SUPT3H: variants seen among roughly 807,000 people sequenced by gnomAD.
SUPT3H encodes the protein transcription initiation protein SPT3 homolog.
A neutral mutation model predicts 44.3 loss-of-function variants in SUPT3H; 44 were observed. That is an observed-to-expected ratio of 0.99 (90% CI 0.78 to 1.28). The LOEUF (loss-of-function observed/expected upper bound fraction) is 1.28, where lower values mean the gene tolerates loss of function less well. Ranked by LOEUF, SUPT3H falls within the 50% of genes most tolerant of loss-of-function variation. The pLI is 0.00. For synonymous variants in SUPT3H, 124 were observed against 125.6 expected (o/e 0.99, Z 0.09); for missense variants, 380 against 387.1 (o/e 0.98, Z 0.15).
chr6:45,271,255 AAATGTCTCCAGGG>A (rs1776093415), intron 2 of SUPT3H, among the ~76,000 whole-genome samples: 2 of 152,228 alleles, frequency 1.3e-5, no homozygotes, highest in Non-Finnish European at 2.9e-5. Flanking sequence ...ATAATGAGCA[AAATGTCTCCAGGG>A]AATGTCAGAG....
At chr6:45,266,409 A>T (rs999431203) in intron 2 of SUPT3H, among the ~76,000 whole-genome samples, 1 of 151,976 alleles carries the variant, frequency 6.6e-6, no homozygotes, top group Non-Finnish European at 1.5e-5. Context: ...AACCAAGAAG[A>T]AATAAAAATC....
intron 9 of SUPT3H, among the ~76,000 whole-genome samples, chr6:44,938,305 C>A (rs1313883737): frequency 6.6e-6 from 1 of 151,992 alleles, no homozygotes. Context: ...TGATCCAATT[C>A]CCCAGCTCCT....
chr6:45,241,745 A>G (rs1470459425), intron 2 of SUPT3H, among the ~76,000 whole-genome samples: 1 of 152,172 alleles, frequency 6.6e-6, no homozygotes, highest in Non-Finnish European at 1.5e-5. Context: ...TGGCCAAGAA[A>G]GTACATGACC....
intron 2 of SUPT3H, among the ~76,000 whole-genome samples, chr6:45,145,770 C>A (rs1047050074): frequency 7.9e-5 from 12 of 152,096 alleles, no homozygotes; most frequent in African/African-American, 2.9e-4. Flanking sequence ...ATGTATCCAA[C>A]AAAGGACTAA....
At chr6:45,313,398 A>G (rs570756788) in intron 2 of SUPT3H, among the ~76,000 whole-genome samples, 3 of 152,184 alleles carry the variant, frequency 2.0e-5, no homozygotes, top group Non-Finnish European at 4.4e-5. Flanking sequence ...GACCATTTGC[A>G]AGATTAACCA....
rs565976431 is a variant in SUPT3H, at chr6:44,926,988, A to G, written c.912+5665T>C. ...GAAATTTAAAAGGTCCAATCCTTTG[A>G]TCCAGGAATTTCACTTCTAGTAATC... is the stretch of plus-strand genomic sequence containing the variant. On this transcript the variant is annotated intron_variant, in intron 10 of 10. Transcript: ENST00000371459. 2.0e-5 allele frequency among the ~76,000 whole-genome samples: 3 copies of G among 152,320 alleles called. No individual in the cohort carries two copies. The South Asian group carries it at 6.2e-4, about 32-fold the overall frequency.
rs368806344 is a variant in SUPT3H at position 45,364,169 on chromosome 6, C to A, written c.101+1032G>T. On this transcript the variant is annotated intron_variant, in intron 2 of 10. Transcript: ENST00000371459. ...AACTAATAAATATTAATAGATATAACCCTCATAAACAAATATTCTTCAGGA... is the reference window on the plus strand; with the variant it reads ...AACTAATAAATATTAATAGATATAAACCTCATAAACAAATATTCTTCAGGA... Among the ~76,000 whole-genome samples the A allele has an allele frequency of 2.0e-4, 31 of 151,642 alleles. No homozygotes were observed. In the East Asian group the frequency reaches 5.4e-3, roughly 27 times the overall value.
intron 10 of SUPT3H, among the ~76,000 whole-genome samples, chr6:44,832,991 A>AT (rs1453392313): frequency 6.6e-6 from 1 of 152,140 alleles, no homozygotes; most frequent in Non-Finnish European, 1.5e-5. Context: ...AAAGCAAAAG[A>AT]TTAATATTTT....
At chr6:44,946,798 T>C (rs997678897) in intron 9 of SUPT3H, among the ~76,000 whole-genome samples, 1 of 152,202 alleles carries the variant, frequency 6.6e-6, no homozygotes, top group Non-Finnish European at 1.5e-5. Flanking sequence ...ACTTAGCTGA[T>C]AAAGCAATGT....
At chr6:44,892,793 T>C (rs1343778116) in intron 10 of SUPT3H, among the ~76,000 whole-genome samples, 1 of 152,156 alleles carries the variant, frequency 6.6e-6, no homozygotes. Flanking sequence ...CCCAGGCCTC[T>C]TGACTTCTGC....
intron 2 of SUPT3H, among the ~76,000 whole-genome samples, chr6:45,109,968 GTACTGCCTGAC>G (rs1456839052): frequency 1.3e-5 from 2 of 152,054 alleles, no homozygotes; most frequent in African/African-American, 4.8e-5. Flanking sequence ...GACAATACCA[GTACTGCCTGAC>G]TACCGTCCAC....
chr6:44,837,161 G>A (rs976575075), intron 10 of SUPT3H, among the ~76,000 whole-genome samples: 5 of 151,938 alleles, frequency 3.3e-5, no homozygotes, highest in South Asian at 2.1e-4. Flanking sequence ...CAAAAAGAAC[G>A]GCCAAAAAGT....
chr6:45,327,815 G>A (rs1045146297), intron 2 of SUPT3H, among the ~76,000 whole-genome samples: 3 of 151,702 alleles, frequency 2.0e-5, no homozygotes, highest in Non-Finnish European at 4.4e-5. Context: ...CAGCCACCCA[G>A]CAAATATGAA....
intron 2 of SUPT3H, among the ~76,000 whole-genome samples, chr6:45,281,898 G>A (rs1778167234): frequency 6.6e-6 from 1 of 152,166 alleles, no homozygotes; most frequent in Non-Finnish European, 1.5e-5. Flanking sequence ...AACTTCCAGA[G>A]GAACGATCAG....
chr6:45,025,966 T>C (rs979323392), intron 3 of SUPT3H, among the ~76,000 whole-genome samples: 1 of 152,188 alleles, frequency 6.6e-6, no homozygotes, highest in Non-Finnish European at 1.5e-5. Context: ...TAATGAGACT[T>C]CCATTGCAGC....
intron 2 of SUPT3H, among the ~76,000 whole-genome samples, chr6:45,130,711 ACTTTTTTTTT>A (rs1278216783): frequency 3.6e-5 from 2 of 56,212 alleles, no homozygotes; most frequent in East Asian, 4.1e-4. Flanking sequence ...AAAAAAAACC[ACTTTTTTTTT>A]TTTTTTTTTT....
intron 2 of SUPT3H, among the ~76,000 whole-genome samples, chr6:45,182,689 C>A (rs1031175945): frequency 3.9e-5 from 6 of 152,184 alleles, no homozygotes; most frequent in Admixed American, 6.5e-5. Context: ...CTCTTATCTA[C>A]ACAGGACAGG....
At chr6:44,837,178 T>C (rs1343583547) in intron 10 of SUPT3H, among the ~76,000 whole-genome samples, 1 of 152,106 alleles carries the variant, frequency 6.6e-6, no homozygotes, top group African/African-American at 2.4e-5. Flanking sequence ...AAGTGCCAAA[T>C]TGGCAGGAGT....
intron 5 of SUPT3H, among the ~76,000 whole-genome samples, chr6:45,014,160 T>C (rs1280741056): frequency 6.0e-4 from 91 of 152,068 alleles, no homozygotes; most frequent in Non-Finnish European, 8.8e-5. Context: ...CTGTTTTTTT[T>C]TTAAGTTTTA....
Sources: allele counts gnomAD v4.1 joint callset (sites outside exome capture counted in the v4.1 genomes callset), GRCh38; gene constraint gnomAD v4.1.1; transcripts MANE v1.5; gene names NCBI Gene and HGNC (gene_info 2026-07-23, HGNC 2026-07-21).